IRAG1: variants seen among roughly 807,000 people sequenced by gnomAD.
IRAG1 encodes the protein inositol 1,4,5-triphosphate receptor associated 1, also known as IP3R-associated cGMP kinase substrate.
In IRAG1, 62 loss-of-function variants were observed where a neutral mutation model predicts 106.2. The observed-to-expected ratio is 0.58, with a 90% CI of 0.48 to 0.72. The LOEUF is 0.72. Ranked by LOEUF, IRAG1 falls within the 30% of genes least tolerant of loss-of-function variation. IRAG1 has a pLI of 0.00. For missense variants in IRAG1, 1,064 were observed against 1,140.7 expected, an observed-to-expected ratio of 0.93 and a Z score of 0.97; for synonymous variants, 462 against 443.9, an observed-to-expected ratio of 1.04 and a Z score of -0.51.
At chr11:10,620,056 A>G (rs1855715435) in intron 10 of IRAG1, among the ~76,000 whole-genome samples, 1 of 152,200 alleles carries the variant, frequency 6.6e-6, no homozygotes, top group Non-Finnish European at 1.5e-5. Context: ...GTGTGCACAT[A>G]TACATTTAAA....
chr11:10,597,496 CTTTTTA>C (rs1312143927), intron 15 of IRAG1, among the ~76,000 whole-genome samples: 2 of 151,918 alleles, frequency 1.3e-5, no homozygotes, highest in African/African-American at 4.8e-5. Context: ...TGACTAATTG[CTTTTTA>C]TTTTTATTTT....
At chr11:10,584,497 A>G (rs923341763) in intron 18 of IRAG1, among the ~76,000 whole-genome samples, 1 of 149,120 alleles carries the variant, frequency 6.7e-6, no homozygotes, top group African/African-American at 2.4e-5. Context: ...CTGGAGCAAG[A>G]GGAGAAAAAC....
rs375329031 is a variant in IRAG1, at chr11:10,626,170, C to T, written c.1164G>A (p.Pro388=). The T allele has an allele frequency of 7.8e-6, 12 of 1,542,750 alleles. No homozygotes were observed. Among genetic ancestry groups the T allele is most frequent in the East Asian group, 4.5e-5 (2 of 44,120 alleles). Residue 388 remains proline (P), a synonymous_variant, in exon 9 of 21, where the codon CCG becomes CCA. Coordinates refer to ENST00000423302, the MANE Select transcript of IRAG1 (RefSeq NM_130385.4). The part of the protein sequence containing the change: ...AELPPTVSRP[P]LLRGLSWDSG... ...TGTCCCAGGAGAGCCCTCGCAGCAGCGGGGGCCGGGACACAGTGGGTGGAA... is the reference window on the plus strand; with the variant it reads ...TGTCCCAGGAGAGCCCTCGCAGCAGTGGGGGCCGGGACACAGTGGGTGGAA...
rs115126915 is a variant in IRAG1, at chr11:10,621,542, G to T, written c.1447+2236C>A. Among the ~76,000 whole-genome samples, 41 of 152,190 alleles carry T rather than the reference G, an allele frequency of 2.7e-4. No homozygotes were observed. The East Asian group carries it at 7.1e-3, about 27-fold the overall frequency. ...AGCCCCATTTGCATCTCCCCAACAC[G>T]CTGGCCTCCTACAGATCAGCTTGTC... On this transcript the variant is annotated intron_variant, in intron 10 of 20. Coordinates refer to ENST00000423302, the MANE Select transcript of IRAG1 (RefSeq NM_130385.4).
In IRAG1 at chr11:10,575,056, A is replaced by G. The variant is rs976896106; in HGVS notation, c.*1276T>C. On this transcript the variant is annotated 3_prime_UTR_variant, in exon 21 of 21. Coordinates refer to ENST00000423302, the MANE Select transcript of IRAG1 (RefSeq NM_130385.4). ...TGAGTTTTAGCAATGAAAGCAAACAATATCAATAACAAAACAAAAATGCAA... is the reference window on the plus strand; with the variant it reads ...TGAGTTTTAGCAATGAAAGCAAACAGTATCAATAACAAAACAAAAATGCAA... The G allele has an allele frequency of 1.3e-5, 2 of 152,226 alleles. No individual in the cohort carries two copies. The highest frequency in any genetic ancestry group is 2.4e-5 in the African/African-American group (1 of 41,450). The allele number at this position is 152,226 out of a possible 1,614,324, so 9.4% of individuals were successfully genotyped here. A position where few individuals can be genotyped will look rare whatever the true frequency, so the allele number is the denominator to read the frequency against.
intron 1 of IRAG1, among the ~76,000 whole-genome samples, chr11:10,653,491 T>C (rs1858688924): frequency 6.6e-6 from 1 of 152,130 alleles, no homozygotes; most frequent in Non-Finnish European, 1.5e-5. Context: ...GTCTAGCTCC[T>C]CTGCTTCCTC....
At chr11:10,684,304 G>T (rs1861490712) in intron 1 of IRAG1, among the ~76,000 whole-genome samples, 1 of 152,150 alleles carries the variant, frequency 6.6e-6, no homozygotes, top group Non-Finnish European at 1.5e-5. Context: ...CATGTCCTTT[G>T]TAGGGACATG....
intron 9 of IRAG1, among the ~76,000 whole-genome samples, chr11:10,624,683 C>G (rs929668751): frequency 2.6e-5 from 4 of 152,070 alleles, no homozygotes; most frequent in Non-Finnish European, 4.4e-5. Context: ...GGTCAAGGAC[C>G]CTTTACCCAT....
In IRAG1 at chr11:10,591,588, T is replaced by C; in HGVS notation, c.2200A>G (p.Ser734Gly). 5 of 1,597,870 alleles carry C rather than the reference T, an allele frequency of 3.1e-6. No individual in the cohort carries two copies. Among genetic ancestry groups the C allele is most frequent in the Non-Finnish European group, 4.3e-6 (5 of 1,172,150 alleles). The change falls in exon 18 of 21, where the codon AGC becomes GGC. Residue 734 changes from serine to glycine, a missense_variant. Ser to Gly is a moderately conservative substitution (Grantham distance 56). Coordinates refer to ENST00000423302, the MANE Select transcript of IRAG1 (RefSeq NM_130385.4). Reference protein sequence around the residue: ...ALSESPNGKGSLPVTSALPAL... With the variant: ...ALSESPNGKGGLPVTSALPAL... ...GGCAGTGCTGAAGTGACAGGTAGGC[T>C]GCCTTTCCCATTGGGTGATTCCGAC...
At chr11:10,687,607 G>A (rs1861756898) in intron 1 of IRAG1, 2 of 1,126,936 alleles carry the variant, frequency 1.8e-6, no homozygotes, top group South Asian at 1.6e-5. Flanking sequence ...GTGAAGGAAA[G>A]AGGTGTTATT....
rs1850765940 is a variant in IRAG1, at chr11:10,575,420, A to G, written c.*912T>C. On this transcript the variant is annotated 3_prime_UTR_variant, in exon 21 of 21. Coordinates refer to ENST00000423302, the MANE Select transcript of IRAG1 (RefSeq NM_130385.4). ...TAGATTGTGCTGTACAGCAGCTCAG[A>G]GTTGGCATTTGAAATGGAGACTAGT... The G allele has an allele frequency of 6.6e-6, 1 of 152,270 alleles. No homozygotes were observed. The highest frequency in any genetic ancestry group is 1.5e-5 in the Non-Finnish European group (1 of 68,036). The allele number at this position is 152,270 out of a possible 1,614,324, so 9.4% of individuals were successfully genotyped here. A position where few individuals can be genotyped will look rare whatever the true frequency, so the allele number is the denominator to read the frequency against.
At chr11:10,609,691 G>A (rs781681210) in intron 11 of IRAG1, 37 bp downstream of exon 11, 51 of 1,593,182 alleles carry the variant, frequency 3.2e-5, no homozygotes, top group East Asian at 2.5e-4. Flanking sequence ...GGGGCCACTC[G>A]GTACAGGGCC....
chr11:10,633,222 C>T (rs183348173), intron 3 of IRAG1, among the ~76,000 whole-genome samples: 133 of 151,896 alleles, frequency 8.8e-4, no homozygotes, highest in Non-Finnish European at 1.4e-3. Flanking sequence ...CTACAGGCGC[C>T]CGCCACCACA....
intron 1 of IRAG1, among the ~76,000 whole-genome samples, chr11:10,674,256 C>T (rs1564939180): frequency 1.3e-5 from 2 of 152,190 alleles, no homozygotes; most frequent in African/African-American, 2.4e-5. Flanking sequence ...ATGCAACATA[C>T]ACCCCACACC....
intron 15 of IRAG1, among the ~76,000 whole-genome samples, chr11:10,597,164 C>G (rs1399964425): frequency 6.6e-6 from 1 of 152,226 alleles, no homozygotes; most frequent in Admixed American, 6.5e-5. Flanking sequence ...AGAAGGAGAT[C>G]TGGAATAATG....
chr11:10,627,644 G>A (rs1231916900), intron 8 of IRAG1, 72 bp downstream of exon 8: 4 of 1,560,556 alleles, frequency 2.6e-6, no homozygotes, highest in East Asian at 4.5e-5. Context: ...CTGCCCAGGA[G>A]CCAGCCTAGG....
rs1354084142 is a variant in IRAG1 at position 10,576,438 on chromosome 11, CAA to C, written c.2631_2632del (p.Ala879ArgfsTer4). 1.9e-6 allele frequency: 3 copies of C among 1,613,970 alleles called. No individual in the cohort carries two copies. The South Asian group carries it at 3.3e-5, about 18-fold the overall frequency. ...AAGGGGCCCATCAGCCTGCTCTGCA[CAA>C]GAGTTATAGGAATTGTAGAGCCCCA... On this transcript the variant is annotated frameshift_variant, in exon 21 of 21. Coordinates refer to ENST00000423302, the MANE Select transcript of IRAG1 (RefSeq NM_130385.4). LOFTEE classifies it high-confidence loss of function.
At chr11:10,578,235 T>C (rs1056270571) in intron 20 of IRAG1, among the ~76,000 whole-genome samples, 4 of 152,216 alleles carry the variant, frequency 2.6e-5, no homozygotes, top group African/African-American at 9.7e-5. Flanking sequence ...TTCCTGAGAG[T>C]TATTGGAAAA....
chr11:10,624,595 T>C (rs1279105634), intron 9 of IRAG1, among the ~76,000 whole-genome samples: 1 of 152,008 alleles, frequency 6.6e-6, no homozygotes, highest in South Asian at 2.1e-4. Context: ...CAGAGGGCAC[T>C]TGGGAATGGT....
Sources: allele counts gnomAD v4.1 joint callset (sites outside exome capture counted in the v4.1 genomes callset), GRCh38; gene constraint gnomAD v4.1.1; transcripts MANE v1.5; gene names NCBI Gene and HGNC (gene_info 2026-07-23, HGNC 2026-07-21).